Variants in GTF3C1 observed in about 807,000 individuals in gnomAD.
GTF3C1 encodes general transcription factor 3C polypeptide 1.
A neutral mutation model predicts 226.7 loss-of-function variants in GTF3C1; 57 were observed. The ratio of observed to expected loss-of-function variants is 0.25; its 90% CI spans 0.20 to 0.31. GTF3C1 has a LOEUF of 0.31. GTF3C1 is among the 10% of genes least tolerant of loss of function. The pLI, the probability that GTF3C1 is intolerant of heterozygous loss-of-function variation, is 1.00. For synonymous variants in GTF3C1, 1,090 were observed against 1,084.8 expected (o/e 1.00, Z -0.09); for missense variants, 2,217 against 2,776.1 (o/e 0.80, Z 4.53).
At chr16:27,520,117 G>A (rs1312644313) in intron 6 of GTF3C1, among the ~76,000 whole-genome samples, 1 of 152,070 alleles carries the variant, frequency 6.6e-6, no homozygotes, top group Non-Finnish European at 1.5e-5. Flanking sequence ...CTTGTGTTTG[G>A]TTTGGTTTTG....
At chr16:27,480,569 C>A (rs1001789723) in intron 27 of GTF3C1, 3 of 156,372 alleles carry the variant, frequency 1.9e-5, no homozygotes, top group African/African-American at 4.8e-5. Flanking sequence ...AACAGTGGCT[C>A]GAGGGACTTT....
intron 9 of GTF3C1, 145 bp from the exon 10 acceptor site, chr16:27,506,261 G>A (rs2088483352): frequency 6.6e-6 from 4 of 602,370 alleles, no homozygotes; most frequent in Non-Finnish European, 8.9e-6. Context: ...CAGCAGCTTG[G>A]GCCCCTCCTT....
At chr16:27,483,511 G>A in intron 25 of GTF3C1, 2 of 461,098 alleles carry the variant, frequency 4.3e-6, no homozygotes, top group South Asian at 3.1e-5. Flanking sequence ...CTAATCTACT[G>A]CAAAGCAGGT....
At chr16:27,529,862 T>C (rs1023254035) in intron 5 of GTF3C1, among the ~76,000 whole-genome samples, 7 of 152,256 alleles carry the variant, frequency 4.6e-5, no homozygotes, top group Non-Finnish European at 1.0e-4. Flanking sequence ...TGAACGTCAG[T>C]TGCCATTTAT....
At chr16:27,524,476 A>G (rs1036246329) in intron 6 of GTF3C1, among the ~76,000 whole-genome samples, 4 of 152,172 alleles carry the variant, frequency 2.6e-5, no homozygotes, top group African/African-American at 9.7e-5. Context: ...CCCCCTAGAT[A>G]ATTCAGATGA....
chr16:27,525,875 A>T (rs232086), intron 6 of GTF3C1, among the ~76,000 whole-genome samples: 59,533 of 152,068 alleles, frequency 0.39, 13,093 homozygotes, highest in African/African-American at 0.6. Context: ...GTTTTCTATG[A>T]GCATGTCACT....
intron 25 of GTF3C1, among the ~76,000 whole-genome samples, chr16:27,483,811 C>T (rs1459792471): frequency 2.0e-5 from 3 of 152,198 alleles, no homozygotes; most frequent in Admixed American, 2.0e-4. Context: ...GCCTAGCTTG[C>T]TGCTGGAGGG....
At position 27,488,723 on chromosome 16, in the gene GTF3C1, G is replaced by A. The variant is rs192142592; in HGVS notation, c.3430-88C>T. ...GTAACAAATGCACCGAGGTCTCTTA[G>A]GAAGGTAAGGGCCGCTGTGCACTGA... On this transcript the variant is annotated intron_variant, in intron 21 of 36. Coordinates refer to ENST00000356183, the MANE Select transcript of GTF3C1 (RefSeq NM_001520.4). The A allele has an allele frequency of 1.1e-4, 125 of 1,107,376 alleles. No individual in the cohort carries two copies. In the African/African-American group the frequency reaches 1.7e-3, roughly 15 times the overall value. The allele number at this position is 1,107,376 out of a possible 1,614,324, so 68.6% of individuals were successfully genotyped here. A position where few individuals can be genotyped will look rare whatever the true frequency, so the allele number is the denominator to read the frequency against.
chr16:27,502,781 C>T (rs960217392), intron 11 of GTF3C1, 78 bp downstream of exon 11: 56 of 1,448,850 alleles, frequency 3.9e-5, no homozygotes, highest in South Asian at 2.3e-4. Flanking sequence ...CAGTGGTGTC[C>T]ATGGCTTGTG....
At chr16:27,521,253 G>A (rs1194603799) in intron 6 of GTF3C1, among the ~76,000 whole-genome samples, 1 of 152,212 alleles carries the variant, frequency 6.6e-6, no homozygotes, top group East Asian at 1.9e-4. Context: ...ACTTGCCTTC[G>A]ACTCTTCCTA....
chr16:27,489,838 C>T (rs2088206885), intron 19 of GTF3C1, 95 bp from the exon 20 acceptor site: 6 of 1,326,130 alleles, frequency 4.5e-6, no homozygotes, highest in African/African-American at 1.4e-5. Context: ...GAGTGGATTC[C>T]CTGCCTGTGA....
chr16:27,528,414 A>G (rs1186171853), intron 6 of GTF3C1, among the ~76,000 whole-genome samples, 184 bp downstream of exon 6: 1 of 152,210 alleles, frequency 6.6e-6, no homozygotes, highest in Non-Finnish European at 1.5e-5. Context: ...TTGTTCAGCA[A>G]ACATTTTCTA....
intron 21 of GTF3C1, 122 bp from the exon 22 acceptor site, chr16:27,488,757 G>A (rs1337156598): frequency 4.9e-6 from 4 of 814,418 alleles, no homozygotes; most frequent in East Asian, 5.1e-5. Context: ...GACAGCCAGG[G>A]GCTGGAGTCT....
chr16:27,488,550 G>A lies in GTF3C1; in HGVS notation c.3511+4C>T, dbSNP rs750318317. ...CTTCTGGGGTGAACTCCCAGCACAC[G>A]TACCTCTGGCACTGAGGGGCATTGG... is the stretch of plus-strand genomic sequence containing the variant. On this transcript the variant is annotated splice_donor_region_variant and intron_variant, in intron 22 of 36. Transcript: ENST00000356183. The A allele has an allele frequency of 4.5e-5, 72 of 1,611,748 alleles. No homozygotes were observed. In the Middle Eastern group the frequency reaches 1.6e-3, roughly 37 times the overall value.
Position 27,464,698 on chromosome 16 carries a change from G to T in GTF3C1, c.5494C>A (p.Pro1832Thr). Residue 1832 changes from proline to threonine, a missense_variant, in exon 34 of 37, where the codon CCC (proline) becomes ACC (threonine). Coordinates refer to ENST00000356183, the MANE Select transcript of GTF3C1 (RefSeq NM_001520.4). ...REDADIQRED[P>T]QARPLEGSSS... ...GACCCCTCCAGGGGTCTGGCCTGGG[G>T]GTCTTCTCTCTGGATGTCGGCGTCT... 1 of 1,598,116 alleles carries T rather than the reference G, an allele frequency of 6.3e-7. No individual in the cohort carries two copies. Among genetic ancestry groups the T allele is most frequent in the Non-Finnish European group, 8.5e-7 (1 of 1,177,064 alleles).
rs1254822915 is a variant in GTF3C1, at chr16:27,486,075, C to A, written c.3780G>T (p.Arg1260=). The change falls in exon 24 of 37, where the codon CGG becomes CGT. Residue 1260 remains arginine, a synonymous_variant. Coordinates refer to ENST00000356183, the MANE Select transcript of GTF3C1 (RefSeq NM_001520.4). The part of the protein sequence containing the change: ...ADQSALQRMT[R]LRVTWSMQED... Reference sequence around the variant, plus strand: ...CCTGCATAGACCAGGTGACACGAAGCCGCGTCATCCGCTGCAGGGCACTCT... The same window carrying A: ...CCTGCATAGACCAGGTGACACGAAGACGCGTCATCCGCTGCAGGGCACTCT... 1 of 1,606,436 alleles carries A rather than the reference C, an allele frequency of 6.2e-7. No individual in the cohort carries two copies. The highest frequency in any genetic ancestry group is 2.2e-5 in the East Asian group (1 of 44,834).
rs763285333 is a variant in GTF3C1 at position 27,461,605 on chromosome 16, C to G, written c.6118-43G>C. The G allele has an allele frequency of 7.8e-6, 11 of 1,408,752 alleles. No homozygotes were observed. In the South Asian group the frequency reaches 1.0e-4, roughly 13 times the overall value. 87.3% of individuals were successfully genotyped at this position (1,408,752 alleles called of 1,614,324 possible). ...ACAGGTTACAGCGGCACTGCCCTCG[C>G]CTGCTTGTTGATTTATTCTTCAAGC... On this transcript the variant is annotated intron_variant, in intron 36 of 36. Coordinates refer to ENST00000356183, the MANE Select transcript of GTF3C1 (RefSeq NM_001520.4). This position sits in a 1 kb window ranked among gnomAD's most constrained non-coding sequence, Gnocchi z 5.3.
chr16:27,519,642 G>A (rs1195417083), intron 6 of GTF3C1, among the ~76,000 whole-genome samples: 1 of 152,126 alleles, frequency 6.6e-6, no homozygotes, highest in African/African-American at 2.4e-5. Context: ...CCTTGGGCAA[G>A]GGACTTGTGC....
chr16:27,465,109 GC>G, intron 33 of GTF3C1, 150 bp downstream of exon 33: 1 of 726,786 alleles, frequency 1.4e-6, no homozygotes, highest in South Asian at 1.8e-5. Context: ...GATGTGAAAT[GC>G]CCCAGTTTTC....
Sources: gnomAD v4.1 joint callset for allele counts (sites outside exome capture counted in the v4.1 genomes callset) on GRCh38, gnomAD v4.1.1 for gene constraint, Gnocchi (gnomAD v3.1) non-coding constraint, MANE v1.5 for transcripts, NCBI Gene and HGNC (gene_info 2026-07-23, HGNC 2026-07-21) for gene names.